PRSS55: variants seen among roughly 807,000 people sequenced by gnomAD.
The protein encoded by PRSS55 is serine protease 55, also known as probable serine protease UNQ9391/PRO34284.
Under a neutral mutation model 23.6 loss-of-function variants are expected in PRSS55, and 41 were observed. The ratio of observed to expected loss-of-function variants is 1.74; its 90% CI spans 1.35 to 2.26. The LOEUF is 2.26. Ranked by LOEUF, PRSS55 falls within the 30% of genes most tolerant of loss-of-function variation. The pLI is 0.00. For missense variants in PRSS55, 669 were observed against 439.1 expected (o/e 1.52, Z -4.68); for synonymous variants, 262 against 175.5 (o/e 1.49, Z -3.90).
intron 4 of PRSS55, among the ~76,000 whole-genome samples, chr8:10,549,477 C>T (rs1367662359): frequency 6.6e-6 from 1 of 152,216 alleles, no homozygotes; most frequent in Admixed American, 6.5e-5. Context: ...GGGTACGGGG[C>T]TAAGCCCACG....
At chr8:10,546,383 C>A (rs1177280042) in intron 4 of PRSS55, among the ~76,000 whole-genome samples, 1 of 152,142 alleles carries the variant, frequency 6.6e-6, no homozygotes, top group African/African-American at 2.4e-5. Flanking sequence ...CAGCGCTAGC[C>A]AGTTCCCTAT....
chr8:10,539,040 G>T (rs1382067137), downstream of PRSS55, among the ~76,000 whole-genome samples: 2 of 150,532 alleles, frequency 1.3e-5, no homozygotes, highest in African/African-American at 4.9e-5. Flanking sequence ...GGCATTTATG[G>T]ATACATATAA....
At chr8:10,550,580 C>T (rs562651807) in intron 4 of PRSS55, among the ~76,000 whole-genome samples, 133 of 152,304 alleles carry the variant, frequency 8.7e-4, no homozygotes, top group African/African-American at 2.5e-3. Flanking sequence ...AATTGGAGCA[C>T]AGGGACCCAA....
chr8:10,531,678 A>C, intron 3 of PRSS55, 133 bp downstream of exon 3: 4 of 1,320,524 alleles, frequency 3.0e-6, no homozygotes, highest in Non-Finnish European at 4.1e-6. Flanking sequence ...CACAGTGCCC[A>C]AAGTTTAGCT....
At chr8:10,536,984 C>T (rs1812478132) in intron 4 of PRSS55, among the ~76,000 whole-genome samples, 1 of 152,094 alleles carries the variant, frequency 6.6e-6, no homozygotes, top group Non-Finnish European at 1.5e-5. Context: ...GCAATTTACT[C>T]ACATAACAAA....
At chr8:10,547,222 G>A (rs1323871856) in intron 4 of PRSS55, among the ~76,000 whole-genome samples, 1 of 152,152 alleles carries the variant, frequency 6.6e-6, no homozygotes, top group African/African-American at 2.4e-5. Flanking sequence ...GTGAGCCGCC[G>A]AGGGGTGAGC....
At chr8:10,546,652 C>T (rs1240432072) in intron 4 of PRSS55, among the ~76,000 whole-genome samples, 1 of 152,104 alleles carries the variant, frequency 6.6e-6, no homozygotes, top group African/African-American at 2.4e-5. Flanking sequence ...CACCTACAGG[C>T]AGCCCTCTGC....
chr8:10,552,224 C>T (rs1812967716), intron 4 of PRSS55, among the ~76,000 whole-genome samples: 1 of 152,170 alleles, frequency 6.6e-6, no homozygotes, highest in Admixed American at 6.5e-5. Flanking sequence ...TTACTGATGC[C>T]CTCAAGATTG....
chr8:10,531,748 G>C (rs1038028555), intron 3 of PRSS55: 1 of 632,930 alleles, frequency 1.6e-6, no homozygotes, highest in African/African-American at 1.8e-5. Context: ...CCCTAGTGCA[G>C]TCTGATCCAG....
chr8:10,538,910 G>A (rs77593194), downstream of PRSS55: 25 of 1,057,624 alleles, frequency 2.4e-5, no homozygotes, highest in Non-Finnish European at 3.1e-5. Context: ...GGACCAGGAG[G>A]ACCAGAGAGT....
intron 1 of PRSS55, among the ~76,000 whole-genome samples, chr8:10,525,943 C>T (rs1210429589): frequency 2.6e-5 from 4 of 152,318 alleles, no homozygotes; most frequent in Non-Finnish European, 2.9e-5. Context: ...AAACCTGACA[C>T]TTTATCCTCA....
intron 4 of PRSS55, among the ~76,000 whole-genome samples, chr8:10,550,253 C>T (rs530194885): frequency 2.6e-5 from 4 of 152,296 alleles, no homozygotes; most frequent in African/African-American, 9.6e-5. Flanking sequence ...CAAGTCATCA[C>T]TATCCACAGA....
downstream of PRSS55, among the ~76,000 whole-genome samples, chr8:10,543,377 T>C (rs192880354): frequency 1.0e-3 from 157 of 151,878 alleles, no homozygotes; most frequent in Non-Finnish European, 1.8e-3. Flanking sequence ...GAGCCAGGCA[T>C]GCCTGAACAA....
downstream of PRSS55, among the ~76,000 whole-genome samples, chr8:10,543,059 GT>G (rs1812705951): frequency 6.6e-6 from 1 of 151,978 alleles, no homozygotes; most frequent in Admixed American, 6.6e-5. Context: ...TTATGGACAG[GT>G]AGACCCTACC....
At chr8:10,541,919 G>A (rs537790446), downstream of PRSS55, among the ~76,000 whole-genome samples, 13 of 152,132 alleles carry the variant, frequency 8.5e-5, no homozygotes, top group South Asian at 8.3e-4. Flanking sequence ...GACTACAGGC[G>A]CACATCACCA....
chr8:10,533,182 A>G (rs1467256153), intron 4 of PRSS55, 134 bp downstream of exon 4: 3 of 941,070 alleles, frequency 3.2e-6, no homozygotes, highest in Non-Finnish European at 4.7e-6. Context: ...GCCTGCAGCC[A>G]TGAGAATGAG....
intron 1 of PRSS55, 178 bp from the exon 2 acceptor site, chr8:10,529,329 C>A (rs1585866736): frequency 1.5e-6 from 1 of 652,154 alleles, no homozygotes; most frequent in East Asian, 2.7e-5. Context: ...CAAAATAAAC[C>A]ATCTGCCGGC....
At chr8:10,550,297 G>A (rs1184703675) in intron 4 of PRSS55, among the ~76,000 whole-genome samples, 2 of 152,152 alleles carry the variant, frequency 1.3e-5, no homozygotes, top group Non-Finnish European at 2.9e-5. Flanking sequence ...CACAGAAGTG[G>A]GGGTCTAGAA....
chr8:10,531,909 C>G (rs532667265), intron 3 of PRSS55, among the ~76,000 whole-genome samples: 1 of 152,226 alleles, frequency 6.6e-6, no homozygotes, highest in African/African-American at 2.4e-5. Context: ...GATTCCCACC[C>G]TGGGCTAGGC....
Sources: gnomAD v4.1 joint callset for allele counts (sites outside exome capture counted in the v4.1 genomes callset) on GRCh38, gnomAD v4.1.1 for gene constraint, MANE v1.5 for transcripts, NCBI Gene and HGNC (gene_info 2026-07-23, HGNC 2026-07-21) for gene names.